Variants in VAT1L observed in about 807,000 individuals in gnomAD.
VAT1L encodes putative NADPH-dependent quinone oxidoreductase VAT1L.
Under a neutral mutation model 44.1 loss-of-function variants are expected in VAT1L, and 34 were observed. The ratio of observed to expected loss-of-function variants is 0.77; its 90% CI spans 0.59 to 1.03. The LOEUF is 1.03. VAT1L is among the 50% of genes least tolerant of loss of function. VAT1L has a pLI of 0.00. For synonymous variants in VAT1L, 253 were observed against 202.2 expected (o/e 1.25, Z -2.13); for missense variants, 615 against 538.8 (o/e 1.14, Z -1.40).
At chr16:77,908,770 C>T (rs891875359) in intron 7 of VAT1L, among the ~76,000 whole-genome samples, 7 of 151,968 alleles carry the variant, frequency 4.6e-5, no homozygotes, top group African/African-American at 1.2e-4. Flanking sequence ...AAAAATTAGC[C>T]GGACGTGGTG....
intron 4 of VAT1L, among the ~76,000 whole-genome samples, chr16:77,872,403 C>G (rs2017042063): frequency 6.6e-6 from 1 of 152,110 alleles, no homozygotes; most frequent in Admixed American, 6.5e-5. Context: ...AGTGCCTTCC[C>G]TTTGTCACCT....
At chr16:77,940,821 C>G (rs911314191) in intron 7 of VAT1L, among the ~76,000 whole-genome samples, 9 of 152,282 alleles carry the variant, frequency 5.9e-5, no homozygotes, top group African/African-American at 2.2e-4. Context: ...TGGTGGGGGG[C>G]TGGGACATGG....
At chr16:77,793,152 C>T (rs1205888707) in intron 1 of VAT1L, among the ~76,000 whole-genome samples, 4 of 152,126 alleles carry the variant, frequency 2.6e-5, no homozygotes, top group South Asian at 4.1e-4. Flanking sequence ...TGCTCTGTCA[C>T]GCAAGGTGAA....
chr16:77,791,047 T>C, intron 1 of VAT1L, among the ~76,000 whole-genome samples: 1 of 152,254 alleles, frequency 6.6e-6, no homozygotes, highest in Middle Eastern at 3.4e-3. Context: ...CAGCCCAGAT[T>C]GATTTTCCTT....
intron 6 of VAT1L, among the ~76,000 whole-genome samples, chr16:77,883,868 C>T (rs2017180821): frequency 6.6e-6 from 1 of 152,148 alleles, no homozygotes. Flanking sequence ...GAGTGGCCAC[C>T]TCCATCATGT....
At chr16:77,927,636 G>C (rs1309492354) in intron 7 of VAT1L, among the ~76,000 whole-genome samples, 1 of 152,004 alleles carries the variant, frequency 6.6e-6, no homozygotes, top group African/African-American at 2.4e-5. Flanking sequence ...CCAGCACTTT[G>C]GGAGGCTGAG....
chr16:77,884,171 A>T lies in VAT1L; in HGVS notation c.883-437A>T, dbSNP rs1202839374. Among the ~76,000 whole-genome samples, 1 of 152,022 alleles carries T rather than the reference A, an allele frequency of 6.6e-6. No homozygotes were observed. The highest frequency in any genetic ancestry group is 2.4e-5 in the African/African-American group (1 of 41,452). On this transcript the variant is annotated intron_variant, in intron 6 of 8. Transcript: ENST00000302536. This position sits in a 1 kb window ranked among gnomAD's most constrained non-coding sequence, Gnocchi z 4.5. ...AGTGCCTAGAAAAATAGATGCTTTT[A>T]AAAAAAATACACCACTGTCCAAGGC...
intron 4 of VAT1L, among the ~76,000 whole-genome samples, chr16:77,873,029 C>G (rs2017048237): frequency 6.6e-6 from 1 of 152,150 alleles, no homozygotes; most frequent in African/African-American, 2.4e-5. Context: ...CAAATGTAAT[C>G]AGACTCTGAA....
At chr16:77,806,537 G>C (rs1254847173) in intron 1 of VAT1L, among the ~76,000 whole-genome samples, 1 of 150,578 alleles carries the variant, frequency 6.6e-6, no homozygotes, top group Non-Finnish European at 1.5e-5. Flanking sequence ...GTAGAGACAG[G>C]TTTCACCATG....
At chr16:77,977,537 G>A in intron 8 of VAT1L, 60 bp from the exon 9 acceptor site, 8 of 1,547,574 alleles carry the variant, frequency 5.2e-6, no homozygotes, top group African/African-American at 1.4e-5. Flanking sequence ...TCTGTCAGAT[G>A]CTCAGAGATG....
At chr16:77,950,514 T>C (rs1015900728) in intron 7 of VAT1L, among the ~76,000 whole-genome samples, 5 of 149,744 alleles carry the variant, frequency 3.3e-5, no homozygotes, top group African/African-American at 1.2e-4. Context: ...ATAGCCAAGG[T>C]TGTGAGGTTG....
intron 7 of VAT1L, among the ~76,000 whole-genome samples, chr16:77,959,962 C>A (rs941913423): frequency 3.3e-5 from 5 of 152,178 alleles, no homozygotes; most frequent in Middle Eastern, 3.4e-3. Context: ...TCACATTCCA[C>A]TTCCTCTGCT....
intron 7 of VAT1L, among the ~76,000 whole-genome samples, chr16:77,964,815 T>TG (rs2018205255): frequency 7.7e-6 from 1 of 129,644 alleles, no homozygotes; most frequent in Non-Finnish European, 1.6e-5. Context: ...TTTTTTTAGA[T>TG]GGAGTTTCGC....
chr16:77,864,281 T>C (rs2016946574), intron 4 of VAT1L, among the ~76,000 whole-genome samples: 1 of 152,162 alleles, frequency 6.6e-6, no homozygotes, highest in African/African-American at 2.4e-5. Context: ...GGTATTACGT[T>C]GTCCAGATAG....
intron 8 of VAT1L, among the ~76,000 whole-genome samples, chr16:77,976,402 G>T (rs1186192059): frequency 6.6e-6 from 1 of 152,210 alleles, no homozygotes; most frequent in Non-Finnish European, 1.5e-5. Context: ...GAACTGGGCA[G>T]AGGGGGTAGA....
intron 3 of VAT1L, among the ~76,000 whole-genome samples, chr16:77,831,299 G>C (rs1236350125): frequency 2.0e-5 from 3 of 152,164 alleles, no homozygotes; most frequent in African/African-American, 4.8e-5. Context: ...TCTATAAATG[G>C]TAAGAAGAGA....
At chr16:77,806,686 G>A (rs1165667375) in intron 1 of VAT1L, among the ~76,000 whole-genome samples, 2 of 151,992 alleles carry the variant, frequency 1.3e-5, no homozygotes, top group African/African-American at 4.8e-5. Context: ...TTTTTCTATG[G>A]GAACAACTGT....
In VAT1L at chr16:77,897,232, A is replaced by G. The variant is rs537922003; in HGVS notation, c.1077+12430A>G. On this transcript the variant is annotated intron_variant, in intron 7 of 8. Transcript: ENST00000302536. ...TAAACATGCTGTGGATATTACCACTACCCCCACCTCTGGAATCCACACTTC... is the reference window on the plus strand; with the variant it reads ...TAAACATGCTGTGGATATTACCACTGCCCCCACCTCTGGAATCCACACTTC... Among the ~76,000 whole-genome samples, 24 of 152,062 alleles carry G rather than the reference A, an allele frequency of 1.6e-4. No individual in the cohort carries two copies. The East Asian group carries it at 1.7e-3, about 11-fold the overall frequency.
chr16:77,801,383 A>G (rs2016049022), intron 1 of VAT1L: 6 of 152,198 alleles, frequency 3.9e-5, no homozygotes. Flanking sequence ...ATTCAGTAAT[A>G]GCTGAAAAGA....
Sources: gnomAD v4.1 joint callset for allele counts (sites outside exome capture counted in the v4.1 genomes callset) on GRCh38, gnomAD v4.1.1 for gene constraint, Gnocchi (gnomAD v3.1) non-coding constraint, MANE v1.5 for transcripts, NCBI Gene and HGNC (gene_info 2026-07-23, HGNC 2026-07-21) for gene names.